The following AUTS2 variants were observed in gnomAD, a reference collection of about 807,000 sequenced individuals.
The protein encoded by AUTS2 is autism susceptibility gene 2 protein.
Under a neutral mutation model 112.4 loss-of-function variants are expected in AUTS2, and 17 were observed. The observed-to-expected ratio is 0.15, with a 90% CI of 0.10 to 0.23. AUTS2 has a LOEUF of 0.23. Ranked by LOEUF, AUTS2 falls within the 10% of genes least tolerant of loss-of-function variation. The pLI, the probability that AUTS2 is intolerant of heterozygous loss-of-function variation, is 1.00. For missense variants in AUTS2, 1,510 were observed against 1,701.6 expected (o/e 0.89, Z 1.98); for synonymous variants, 751 against 702.7 (o/e 1.07, Z -1.09).
chr7:69,727,197 A>G (rs1786558395), intron 1 of AUTS2, among the ~76,000 whole-genome samples: 2 of 152,254 alleles, frequency 1.3e-5, no homozygotes, highest in South Asian at 2.1e-4. Flanking sequence ...AGGTAAGGGT[A>G]GAGGTTCATT....
Position 70,763,340 on chromosome 7 carries a change from A to G in AUTS2, c.1213A>G (p.Ser405Gly). 6.5e-7 allele frequency: 1 copy of G among 1,550,176 alleles called. No homozygotes were observed. Among genetic ancestry groups the G allele is most frequent in the Non-Finnish European group, 8.7e-7 (1 of 1,146,844 alleles). Residue 405 changes from serine to glycine, a missense_variant and splice_region_variant, in exon 7 of 19, where the codon AGC (serine) becomes GGC (glycine). By Grantham distance (56) the Ser-to-Gly change is moderately conservative. This residue lies in a region of AUTS2 where 535 missense variants were observed against 594.3 expected (regional missense o/e 0.90). Transcript: ENST00000342771. ...NSSSLSLNSL[S>G]SSRSSTPAKT... ...CAGTAGCTTAAGCCTCAACAGTTTA[A>G]GGTGAGTGGCCTGCTCTTCTTTGGC...
chr7:70,626,800 A>T (rs1458281895), intron 5 of AUTS2, among the ~76,000 whole-genome samples: 2 of 152,212 alleles, frequency 1.3e-5, no homozygotes, highest in African/African-American at 4.8e-5. Context: ...TTCACTTAAG[A>T]TAATGGCCTC....
At chr7:70,593,819 G>C (rs545062351) in intron 5 of AUTS2, among the ~76,000 whole-genome samples, 2 of 152,290 alleles carry the variant, frequency 1.3e-5, no homozygotes, top group South Asian at 4.1e-4. Context: ...TCTCACCACA[G>C]TCAGGACCAG....
chr7:70,301,476 A>G (rs1003838811), intron 4 of AUTS2, among the ~76,000 whole-genome samples: 1 of 152,202 alleles, frequency 6.6e-6, no homozygotes, highest in African/African-American at 2.4e-5. Flanking sequence ...TAAAATAGGG[A>G]AAAAAAGCTC....
chr7:69,808,956 G>A (rs1416007527), intron 1 of AUTS2, among the ~76,000 whole-genome samples: 3 of 152,090 alleles, frequency 2.0e-5, no homozygotes, highest in African/African-American at 7.2e-5. Flanking sequence ...CCCTTTTGAT[G>A]TTAAATGACA....
At chr7:69,975,187 G>C (rs1458229289) in intron 2 of AUTS2, among the ~76,000 whole-genome samples, 2 of 151,850 alleles carry the variant, frequency 1.3e-5, no homozygotes, top group Non-Finnish European at 2.9e-5. Context: ...GAAAAATGTT[G>C]TTCTCTTTCT....
chr7:70,027,222 G>A (rs1332837361), intron 2 of AUTS2, among the ~76,000 whole-genome samples: 3 of 152,128 alleles, frequency 2.0e-5, no homozygotes, highest in African/African-American at 7.2e-5. Context: ...ATCTGTATTT[G>A]TCTGTGAATT....
intron 1 of AUTS2, among the ~76,000 whole-genome samples, chr7:69,732,022 T>G (rs1786818772): frequency 6.6e-6 from 1 of 151,966 alleles, no homozygotes; most frequent in South Asian, 2.1e-4. Context: ...TTTTCCGCCA[T>G]GCCTCACTAG....
At chr7:70,590,373 GA>G in intron 5 of AUTS2, among the ~76,000 whole-genome samples, 1 of 152,230 alleles carries the variant, frequency 6.6e-6, no homozygotes, top group East Asian at 1.9e-4. Flanking sequence ...TCAGAACTCA[GA>G]TCTTTCTGAC....
intron 1 of AUTS2, among the ~76,000 whole-genome samples, chr7:69,631,544 T>C (rs1415453359): frequency 1.3e-5 from 2 of 152,228 alleles, no homozygotes; most frequent in Non-Finnish European, 2.9e-5. Flanking sequence ...CTTCTTAAGC[T>C]GGATAGCATA....
intron 5 of AUTS2, among the ~76,000 whole-genome samples, chr7:70,621,740 G>C (rs936338938): frequency 6.7e-6 from 1 of 150,032 alleles, no homozygotes; most frequent in Non-Finnish European, 1.5e-5. Flanking sequence ...AAAAGGCCTA[G>C]TACAAACTAT....
chr7:70,666,676 G>A (rs1432985106), intron 5 of AUTS2, among the ~76,000 whole-genome samples: 1 of 151,996 alleles, frequency 6.6e-6, no homozygotes, highest in Non-Finnish European at 1.5e-5. Context: ...ATGTCTGGGT[G>A]TAGGAAATTT....
chr7:69,640,948 A>G lies in AUTS2; in HGVS notation c.309+40986A>G, dbSNP rs76258458. Among the ~76,000 whole-genome samples, 1,006 of 152,314 alleles carry G rather than the reference A, an allele frequency of 6.6e-3. 12 individuals carry two copies. The highest frequency in any genetic ancestry group is 0.023 in the African/African-American group (945 of 41,558). On this transcript the variant is annotated intron_variant, in intron 1 of 18. Coordinates refer to ENST00000342771, the MANE Select transcript of AUTS2 (RefSeq NM_015570.4). ...TTTTTTCTTTTAAAAATGACTATCT[A>G]TGTCTCATTACAGATACAAGGTTGG...
intron 4 of AUTS2, among the ~76,000 whole-genome samples, chr7:70,428,488 T>C (rs541126176): frequency 6.6e-6 from 1 of 152,156 alleles, no homozygotes; most frequent in Non-Finnish European, 1.5e-5. Context: ...GTCTTTAAGG[T>C]CTTAGATAAA....
intron 5 of AUTS2, among the ~76,000 whole-genome samples, chr7:70,441,834 G>T (rs981155090): frequency 6.6e-6 from 1 of 152,164 alleles, no homozygotes; most frequent in Non-Finnish European, 1.5e-5. Flanking sequence ...AACTTGGCTC[G>T]TGCAGGAGTC....
At chr7:70,219,591 A>G (rs1811365666) in intron 4 of AUTS2, among the ~76,000 whole-genome samples, 2 of 139,982 alleles carry the variant, frequency 1.4e-5, no homozygotes, top group South Asian at 2.3e-4. Context: ...TTTTTTTTTG[A>G]GAGAGAGTCT....
At chr7:70,257,447 A>G (rs1463775124) in intron 4 of AUTS2, among the ~76,000 whole-genome samples, 1 of 152,092 alleles carries the variant, frequency 6.6e-6, no homozygotes, top group Non-Finnish European at 1.5e-5. Flanking sequence ...CCTTCTTAGT[A>G]GCTGGGATTA....
intron 6 of AUTS2, among the ~76,000 whole-genome samples, chr7:70,708,223 A>C (rs756833646): frequency 4.6e-4 from 70 of 152,312 alleles, no homozygotes; most frequent in Non-Finnish European, 9.3e-4. Flanking sequence ...TAGCTGGGAA[A>C]GGTTTTTCCA....
At chr7:70,736,930 A>G (rs1459651990) in intron 6 of AUTS2, among the ~76,000 whole-genome samples, 2 of 152,144 alleles carry the variant, frequency 1.3e-5, no homozygotes, top group Non-Finnish European at 2.9e-5. Context: ...CTCCTTGTAA[A>G]TCACCGGCAT....
Sources: gnomAD v4.1 joint callset for allele counts (sites outside exome capture counted in the v4.1 genomes callset) on GRCh38, gnomAD v4.1.1 for gene constraint, gnomAD v4.1.1 regional missense constraint, MANE v1.5 for transcripts, NCBI Gene and HGNC (gene_info 2026-07-23, HGNC 2026-07-21) for gene names.